The following RNF125 variants were observed in gnomAD, a reference collection of about 807,000 sequenced individuals.
RNF125 encodes the protein ring finger protein 125, also known as E3 ubiquitin-protein ligase RNF125.
In RNF125, 21 loss-of-function variants were observed where a neutral mutation model predicts 26.0. That is an observed-to-expected ratio of 0.81 (90% CI 0.57 to 1.16). The LOEUF (loss-of-function observed/expected upper bound fraction) is 1.16, where lower values mean the gene tolerates loss of function less well. RNF125 is among the 50% of genes most tolerant of loss of function. The probability of loss-of-function intolerance (pLI) is 0.00; values close to 1 mark genes in which losing one functional copy is unlikely to be tolerated. For synonymous variants in RNF125, 95 were observed against 109.2 expected, an observed-to-expected ratio of 0.87 and a Z score of 0.81; for missense variants, 270 against 299.4, an observed-to-expected ratio of 0.90 and a Z score of 0.72.
chr18:32,037,791 A>G (rs2039174086), intron 2 of RNF125, among the ~76,000 whole-genome samples: 1 of 152,144 alleles, frequency 6.6e-6, no homozygotes, highest in Admixed American at 6.5e-5. Context: ...TGCTCTGTAA[A>G]GTGCACCAAT....
At chr18:32,057,777 G>A (rs897181737) in intron 4 of RNF125, among the ~76,000 whole-genome samples, 1 of 152,074 alleles carries the variant, frequency 6.6e-6, no homozygotes. Flanking sequence ...CTTTAAGGCG[G>A]TTGTTCTCAA....
the RNF125 span, among the ~76,000 whole-genome samples, chr18:32,082,148 G>A: frequency 1.3e-5 from 2 of 152,042 alleles, no homozygotes; most frequent in African/African-American, 4.8e-5. Context: ...AATCAAATAG[G>A]ATGTCACTAT....
the RNF125 span, among the ~76,000 whole-genome samples, chr18:32,084,024 A>G: frequency 6.6e-6 from 1 of 152,094 alleles, no homozygotes; most frequent in Non-Finnish European, 1.5e-5. Context: ...ATGGAGAAAG[A>G]TCTTTTAGCT....
rs112418730 is a variant in RNF125, at chr18:32,059,380, G to A, written c.505-6522G>A. ...CATTTCTCTGATGATCAATGATGCT[G>A]AGCACTTTTTCATATGCCTATTTGC... On this transcript the variant is annotated intron_variant, in intron 4 of 5. Coordinates refer to ENST00000217740, the MANE Select transcript of RNF125 (RefSeq NM_017831.4). 4.5e-3 allele frequency among the ~76,000 whole-genome samples: 679 copies of A among 152,286 alleles called. 3 individuals are homozygous for A. Among genetic ancestry groups the A allele is most frequent in the African/African-American group, 0.015 (633 of 41,552 alleles).
chr18:32,049,929 T>G (rs559122482), intron 4 of RNF125, among the ~76,000 whole-genome samples: 1 of 152,228 alleles, frequency 6.6e-6, no homozygotes, highest in African/African-American at 2.4e-5. Context: ...TGGGGACATG[T>G]GGGTGAAAAC....
At chr18:32,055,809 G>A (rs1247872092) in intron 4 of RNF125, among the ~76,000 whole-genome samples, 3 of 151,520 alleles carry the variant, frequency 2.0e-5, no homozygotes, top group East Asian at 1.9e-4. Flanking sequence ...GGAGAAATCC[G>A]TCTCTACTAA....
chr18:32,047,195 C>A (rs538854774), intron 4 of RNF125, among the ~76,000 whole-genome samples: 4 of 152,280 alleles, frequency 2.6e-5, no homozygotes, highest in African/African-American at 7.2e-5. Flanking sequence ...CGCCACCATG[C>A]CCGGCTAATT....
intron 3 of RNF125, among the ~76,000 whole-genome samples, chr18:32,045,143 CAGAAAA>C (rs1295245784): frequency 2.0e-5 from 3 of 148,324 alleles, no homozygotes; most frequent in Non-Finnish European, 4.5e-5. Flanking sequence ...GAAAGAAAGA[CAGAAAA>C]AGAAAAGTGA....
intron 4 of RNF125, among the ~76,000 whole-genome samples, chr18:32,053,579 AG>A (rs1337035576): frequency 6.6e-6 from 1 of 152,124 alleles, no homozygotes; most frequent in East Asian, 1.9e-4. Flanking sequence ...GGAGGTCAGG[AG>A]TTCGAGACCA....
intron 1 of RNF125, among the ~76,000 whole-genome samples, chr18:32,034,872 A>T (rs1001410334): frequency 4.9e-5 from 7 of 144,228 alleles, no homozygotes; most frequent in Admixed American, 1.5e-4. Context: ...CCGAGATTGT[A>T]CCTGGGCAAC....
intron 2 of RNF125, among the ~76,000 whole-genome samples, chr18:32,037,796 A>G (rs2039174223): frequency 3.3e-5 from 5 of 152,162 alleles, no homozygotes; most frequent in Admixed American, 2.0e-4. Context: ...TGTAAAGTGC[A>G]CCAATCAGCA....
chr18:32,033,573 C>T (rs559689827), intron 1 of RNF125, among the ~76,000 whole-genome samples: 3 of 149,336 alleles, frequency 2.0e-5, no homozygotes, highest in African/African-American at 7.4e-5. Context: ...GTAATCCCAG[C>T]ACTTTGGGAG....
At chr18:32,053,191 C>T (rs567541781) in intron 4 of RNF125, among the ~76,000 whole-genome samples, 6 of 152,020 alleles carry the variant, frequency 3.9e-5, no homozygotes, top group African/African-American at 7.2e-5. Flanking sequence ...GGAGAAACCC[C>T]GTTTCTACTA....
At chr18:32,073,735 A>G (rs1009639950), downstream of RNF125, among the ~76,000 whole-genome samples, 23 of 152,230 alleles carry the variant, frequency 1.5e-4, no homozygotes, top group African/African-American at 5.5e-4. Context: ...CATACAGGAC[A>G]GAACACAAGT....
At chr18:32,086,862 G>C in the RNF125 span, among the ~76,000 whole-genome samples, 439 of 151,996 alleles carry the variant, frequency 2.9e-3, 1 homozygote, top group African/African-American at 9.7e-3. Context: ...ATGTTGTCCA[G>C]GCTGGTCTCA....
chr18:32,088,713 TG>T, the RNF125 span, among the ~76,000 whole-genome samples: 1 of 152,186 alleles, frequency 6.6e-6, no homozygotes, highest in African/African-American at 2.4e-5. Context: ...TTGTCCAGGC[TG>T]GTCACGAACT....
chr18:32,047,954 G>A lies in RNF125; in HGVS notation c.504+2222G>A, dbSNP rs566210246. On this transcript the variant is annotated intron_variant, in intron 4 of 5. Coordinates refer to ENST00000217740, the MANE Select transcript of RNF125 (RefSeq NM_017831.4). The stretch of plus-strand genomic sequence containing the variant: ...AGCCTGGCCAACACGGTGAAACCCC[G>A]TCTCTACTACTAAAAATACAAAAAT... Among the ~76,000 whole-genome samples the A allele has an allele frequency of 6.0e-4, 92 of 152,168 alleles. 3 individuals carry two copies. Among genetic ancestry groups the A allele is most frequent in the Admixed American group, 4.8e-3 (74 of 15,280 alleles).
At chr18:32,050,335 T>C (rs577239027) in intron 4 of RNF125, among the ~76,000 whole-genome samples, 1 of 152,276 alleles carries the variant, frequency 6.6e-6, no homozygotes, top group East Asian at 1.9e-4. Flanking sequence ...TTTTTAAAAT[T>C]TGGAGACAGG....
the RNF125 span, among the ~76,000 whole-genome samples, chr18:32,089,829 AGG>A: frequency 2.7e-5 from 4 of 150,760 alleles, no homozygotes; most frequent in Non-Finnish European, 5.9e-5. Flanking sequence ...AAATAAAATT[AGG>A]GTCACAAAAT....
Sources: allele counts gnomAD v4.1 joint callset (sites outside exome capture counted in the v4.1 genomes callset), GRCh38; gene constraint gnomAD v4.1.1; transcripts MANE v1.5; gene names NCBI Gene and HGNC (gene_info 2026-07-23, HGNC 2026-07-21).